TANC1: variants seen among roughly 807,000 people sequenced by gnomAD.
TANC1 encodes the protein protein TANC1.
Under a neutral mutation model 149.7 loss-of-function variants are expected in TANC1, and 77 were observed. The observed-to-expected ratio is 0.51, with a 90% CI of 0.43 to 0.62. The LOEUF (loss-of-function observed/expected upper bound fraction) is 0.62, where lower values mean the gene tolerates loss of function less well. TANC1 is among the 20% of genes least tolerant of loss of function. The pLI is 0.00. For missense variants in TANC1, 1,985 were observed against 2,321.8 expected (o/e 0.85, Z 2.98); for synonymous variants, 854 against 925.0 (o/e 0.92, Z 1.39).
chr2:159,105,286 G>T (rs1056577392), intron 4 of TANC1, among the ~76,000 whole-genome samples: 2 of 151,078 alleles, frequency 1.3e-5, no homozygotes, highest in Admixed American at 6.6e-5. Context: ...GAGCCACCCC[G>T]CCCGGCCAGA....
intron 17 of TANC1, among the ~76,000 whole-genome samples, chr2:159,195,142 T>G (rs186671847): frequency 3.2e-4 from 48 of 152,336 alleles, no homozygotes; most frequent in Non-Finnish European, 5.4e-4. Context: ...TTTTCTGTTT[T>G]GACAGTCTCA....
chr2:159,219,975 AGAGTGTGTGTGT>A lies in TANC1; in HGVS notation c.3678+110_3678+121del, dbSNP rs1034369206. ...TGAGGTTGTGTCTCAGTGTCATCAG[AGAGTGTGTGTGT>A]GTGTGTGTGTGTGTGTGTGTGTGTG... On this transcript the variant is annotated intron_variant, in intron 22 of 26. Coordinates refer to ENST00000263635, the MANE Select transcript of TANC1 (RefSeq NM_033394.3). The A allele has an allele frequency of 2.9e-4, 214 of 748,228 alleles. 4 individuals are homozygous for A. The highest frequency in any genetic ancestry group is 1.5e-3 in the East Asian group (49 of 32,526). The allele number at this position is 748,228 out of a possible 1,614,324, so 46.3% of individuals were successfully genotyped here. A position where few individuals can be genotyped will look rare whatever the true frequency, so the allele number is the denominator to read the frequency against.
At chr2:158,988,898 G>A (rs543335642) in intron 1 of TANC1, among the ~76,000 whole-genome samples, 4 of 152,136 alleles carry the variant, frequency 2.6e-5, no homozygotes, top group South Asian at 2.1e-4. Flanking sequence ...TCTCACTATC[G>A]GCTTCCTAAT....
chr2:159,032,994 G>C (rs1029242622), intron 2 of TANC1, among the ~76,000 whole-genome samples: 22 of 152,140 alleles, frequency 1.4e-4, no homozygotes, highest in African/African-American at 5.3e-4. Context: ...CAGGGAAAAT[G>C]AGAAGAAGCT....
intron 19 of TANC1, among the ~76,000 whole-genome samples, chr2:159,207,712 A>AAC (rs2058710427): frequency 6.7e-6 from 1 of 149,188 alleles, no homozygotes; most frequent in Admixed American, 6.7e-5. Flanking sequence ...AAAAAAAAAA[A>AAC]AAAAAAAAAA....
intron 4 of TANC1, 96 bp from the exon 5 acceptor site, chr2:159,136,098 G>T: frequency 5.8e-6 from 4 of 686,480 alleles, no homozygotes; most frequent in East Asian, 2.7e-5. Context: ...CTTCCTCTAG[G>T]CATATTTGGG....
At chr2:159,111,663 G>A (rs2047737752) in intron 4 of TANC1, among the ~76,000 whole-genome samples, 1 of 152,208 alleles carries the variant, frequency 6.6e-6, no homozygotes, top group African/African-American at 2.4e-5. Context: ...TGAGGGACCA[G>A]CAGATGAGTC....
Position 159,186,889 on chromosome 2 carries a change from C to T in TANC1, c.2620-13C>T. ...CTCTGATTGTTTCCAAGATCTGTCTCGATTGTTTCCAGGGCCTCAGTAAGA... is the reference window on the plus strand; with the variant it reads ...CTCTGATTGTTTCCAAGATCTGTCTTGATTGTTTCCAGGGCCTCAGTAAGA... On this transcript the variant is annotated splice_polypyrimidine_tract_variant and intron_variant, in intron 15 of 26. Coordinates refer to ENST00000263635, the MANE Select transcript of TANC1 (RefSeq NM_033394.3). The T allele has an allele frequency of 1.4e-5, 23 of 1,614,112 alleles. No individual in the cohort carries two copies. The highest frequency in any genetic ancestry group is 1.9e-5 in the Non-Finnish European group (22 of 1,180,002).
At chr2:159,194,053 A>T (rs1164626440) in intron 16 of TANC1, among the ~76,000 whole-genome samples, 3 of 152,088 alleles carry the variant, frequency 2.0e-5, no homozygotes, top group African/African-American at 7.2e-5. Flanking sequence ...GAACCATCTT[A>T]CTGTTTCCCA....
At chr2:158,996,998 T>G (rs2036194090) in intron 1 of TANC1, among the ~76,000 whole-genome samples, 1 of 147,738 alleles carries the variant, frequency 6.8e-6, no homozygotes, top group African/African-American at 2.6e-5. Context: ...AAAAAAAAAA[T>G]CTACCTGCTT....
At position 159,179,003 on chromosome 2, in the gene TANC1, G is replaced by T; in HGVS notation, c.2350G>T (p.Gly784Trp). ...FQAINAGHIQ[G>W]EQGWEDFQQR... ...GGCTATTAATGCTGGCCACATCCAG[G>T]GGGAGCAGGGATGGGAAGACTTTCA... Residue 784 changes from glycine (G) to tryptophan (W), a missense_variant, in exon 14 of 27, where the codon GGG becomes TGG. Physicochemically the swap from Gly to Trp is radical, Grantham distance 184. This residue lies in a region of TANC1 where 508 missense variants were observed against 714.2 expected (regional missense o/e 0.71). Transcript: ENST00000263635. The T allele has an allele frequency of 6.2e-7, 1 of 1,614,060 alleles. No individual in the cohort carries two copies. Among genetic ancestry groups the T allele is most frequent in the Non-Finnish European group, 8.5e-7 (1 of 1,180,014 alleles).
At chr2:159,192,657 G>A (rs2057535221) in intron 16 of TANC1, among the ~76,000 whole-genome samples, 1 of 152,030 alleles carries the variant, frequency 6.6e-6, no homozygotes, top group Non-Finnish European at 1.5e-5. Context: ...TTTTGTTTTT[G>A]TTTTGCTTTT....
intron 2 of TANC1, among the ~76,000 whole-genome samples, chr2:159,039,104 C>T (rs973587487): frequency 6.6e-5 from 10 of 151,984 alleles, no homozygotes; most frequent in African/African-American, 2.2e-4. Context: ...CAGGAACTTA[C>T]CCATTTCTTC....
intron 2 of TANC1, among the ~76,000 whole-genome samples, chr2:159,013,855 G>T (rs990862080): frequency 1.3e-5 from 2 of 152,212 alleles, no homozygotes; most frequent in African/African-American, 4.8e-5. Flanking sequence ...GGAAGTCCCA[G>T]ATCAAGCTGT....
chr2:159,123,148 A>G (rs547679020), intron 4 of TANC1, among the ~76,000 whole-genome samples: 36 of 152,254 alleles, frequency 2.4e-4, no homozygotes, highest in Admixed American at 8.5e-4. Context: ...GAGTGCAGGT[A>G]GAGGATTCGC....
At chr2:159,060,595 C>T (rs1310262382) in intron 2 of TANC1, among the ~76,000 whole-genome samples, 1 of 152,156 alleles carries the variant, frequency 6.6e-6, no homozygotes, top group African/African-American at 2.4e-5. Flanking sequence ...TGGAGGAAAT[C>T]TTACATCTGT....
At chr2:159,114,758 G>GGTCA (rs2048067882) in intron 4 of TANC1, among the ~76,000 whole-genome samples, 1 of 152,064 alleles carries the variant, frequency 6.6e-6, no homozygotes, top group Admixed American at 6.6e-5. Flanking sequence ...TTTATTCTGT[G>GGTCA]GTCATCTCAA....
chr2:158,980,390 C>T (rs1048420079), intron 1 of TANC1, among the ~76,000 whole-genome samples: 1 of 151,842 alleles, frequency 6.6e-6, no homozygotes, highest in Non-Finnish European at 1.5e-5. Flanking sequence ...GTAATTTTGC[C>T]TGACTAACTT....
chr2:159,215,145 A>C (rs567288155), intron 19 of TANC1, among the ~76,000 whole-genome samples: 1 of 152,296 alleles, frequency 6.6e-6, no homozygotes, highest in African/African-American at 2.4e-5. Flanking sequence ...GTCATCCTGG[A>C]CCTAACCCTT....
Sources: allele counts gnomAD v4.1 joint callset (sites outside exome capture counted in the v4.1 genomes callset), GRCh38; gene constraint gnomAD v4.1.1; regional missense constraint gnomAD v4.1.1; transcripts MANE v1.5; gene names NCBI Gene and HGNC (gene_info 2026-07-23, HGNC 2026-07-21).